The following ASTN2 variants were observed in gnomAD, a reference collection of about 807,000 sequenced individuals.
ASTN2 encodes the protein astrotactin-2.
A neutral mutation model predicts 139.8 loss-of-function variants in ASTN2; 54 were observed. The ratio of observed to expected loss-of-function variants is 0.39; its 90% CI spans 0.31 to 0.48. The LOEUF is 0.48. Ranked by LOEUF, ASTN2 falls within the 20% of genes least tolerant of loss-of-function variation. The pLI, the probability that ASTN2 is intolerant of heterozygous loss-of-function variation, is 0.95. For missense variants in ASTN2, 1,565 were observed against 1,725.1 expected, an observed-to-expected ratio of 0.91 and a Z score of 1.64; for synonymous variants, 756 against 719.5, an observed-to-expected ratio of 1.05 and a Z score of -0.81.
intron 15 of ASTN2, among the ~76,000 whole-genome samples, chr9:116,728,540 G>A (rs1052072440): frequency 2.6e-5 from 4 of 152,158 alleles, no homozygotes; most frequent in Non-Finnish European, 4.4e-5. Context: ...GGATGGGGGT[G>A]TGGGGGTTAT....
At chr9:116,815,816 A>ACAAAAAAAAC (rs1554750243) in intron 12 of ASTN2, among the ~76,000 whole-genome samples, 2 of 140,982 alleles carry the variant, frequency 1.4e-5, no homozygotes, top group African/African-American at 5.8e-5. Flanking sequence ...AAAAAAAAAA[A>ACAAAAAAAAC]AAAAAAAAAA....
intron 13 of ASTN2, among the ~76,000 whole-genome samples, chr9:116,802,083 CTTTTTTTTTTTT>C (rs796156202): frequency 8.2e-6 from 1 of 121,748 alleles, no homozygotes; most frequent in African/African-American, 3.2e-5. Flanking sequence ...TTCTTTCTTT[CTTTTTTTTTTTT>C]TTTTTTTTTT....
chr9:117,053,125 C>T (rs1838960891), intron 5 of ASTN2, among the ~76,000 whole-genome samples: 1 of 152,166 alleles, frequency 6.6e-6, no homozygotes, highest in African/African-American at 2.4e-5. Flanking sequence ...ACTTGATGTG[C>T]ACTGTTTCAC....
chr9:116,871,452 C>T (rs1833164653), intron 10 of ASTN2, among the ~76,000 whole-genome samples: 1 of 152,152 alleles, frequency 6.6e-6, no homozygotes, highest in African/African-American at 2.4e-5. Context: ...CTGCCTCTAT[C>T]ATAAGTCCCT....
chr9:117,386,363 T>G (rs992605697), intron 1 of ASTN2, among the ~76,000 whole-genome samples: 1 of 151,880 alleles, frequency 6.6e-6, no homozygotes, highest in Non-Finnish European at 1.5e-5. Flanking sequence ...TTAAATGGAG[T>G]GGAAGACATG....
intron 19 of ASTN2, chr9:116,547,784 T>C (rs926528791): frequency 2.6e-5 from 4 of 152,222 alleles, no homozygotes; most frequent in African/African-American, 4.8e-5. Flanking sequence ...GGAGCTCACA[T>C]ACACCTGAGA....
chr9:117,238,258 G>A (rs930087936), intron 2 of ASTN2, among the ~76,000 whole-genome samples: 1 of 152,252 alleles, frequency 6.6e-6, no homozygotes, highest in Middle Eastern at 3.4e-3. Context: ...TTAGCCATGG[G>A]TGTCTACAGC....
intron 10 of ASTN2, among the ~76,000 whole-genome samples, chr9:116,872,371 A>T (rs1833189725): frequency 6.6e-6 from 1 of 152,224 alleles, no homozygotes; most frequent in South Asian, 2.1e-4. Context: ...AATAAGTGGT[A>T]TCATCTGAAA....
intron 10 of ASTN2, among the ~76,000 whole-genome samples, chr9:116,927,913 C>T (rs1358022036): frequency 6.6e-6 from 1 of 152,192 alleles, no homozygotes; most frequent in Non-Finnish European, 1.5e-5. Flanking sequence ...TGTTTTTCTT[C>T]CCTTTGGGAA....
intron 5 of ASTN2, among the ~76,000 whole-genome samples, chr9:117,059,048 C>T (rs1443016239): frequency 2.0e-5 from 3 of 152,174 alleles, no homozygotes; most frequent in Middle Eastern, 3.4e-3. Flanking sequence ...TTATAATGCC[C>T]GGTCTATCTG....
At chr9:116,977,819 T>C (rs1468868604) in intron 7 of ASTN2, among the ~76,000 whole-genome samples, 1 of 148,928 alleles carries the variant, frequency 6.7e-6, no homozygotes, top group East Asian at 2.0e-4. Flanking sequence ...CAGCTTCAAG[T>C]GATTCTCCCG....
chr9:116,932,101 C>T (rs73529910), intron 10 of ASTN2, among the ~76,000 whole-genome samples: 1,805 of 152,180 alleles, frequency 0.012, 39 homozygotes, highest in African/African-American at 0.041. Flanking sequence ...GAATATGATG[C>T]CAAGGCCAAT....
intron 1 of ASTN2, among the ~76,000 whole-genome samples, chr9:117,391,724 C>G (rs1255427521): frequency 6.6e-6 from 1 of 152,164 alleles, no homozygotes; most frequent in Non-Finnish European, 1.5e-5. Flanking sequence ...CAACTCATTT[C>G]AGCATTAACT....
At chr9:117,255,439 A>C (rs1437288238) in intron 2 of ASTN2, among the ~76,000 whole-genome samples, 7 of 152,260 alleles carry the variant, frequency 4.6e-5, no homozygotes, top group Non-Finnish European at 1.0e-4. Context: ...CCCATTTTAC[A>C]GATAAAGAAA....
chr9:116,872,522 C>T (rs143761960), intron 10 of ASTN2, among the ~76,000 whole-genome samples: 37 of 152,174 alleles, frequency 2.4e-4, no homozygotes, highest in African/African-American at 8.7e-4. Context: ...TCTGGGTACT[C>T]GGCTGGGTTC....
At chr9:117,374,006 T>A (rs1235055671) in intron 1 of ASTN2, among the ~76,000 whole-genome samples, 1 of 152,136 alleles carries the variant, frequency 6.6e-6, no homozygotes, top group Non-Finnish European at 1.5e-5. Context: ...GTCATATTGA[T>A]CTTTTAGACA....
At chr9:116,589,594 G>A (rs1854297497) in intron 19 of ASTN2, among the ~76,000 whole-genome samples, 1 of 152,190 alleles carries the variant, frequency 6.6e-6, no homozygotes, top group Admixed American at 6.5e-5. Context: ...TCTGTGTCAA[G>A]TCATGGTGGA....
At chr9:116,718,975 C>CATATAT (rs145923400) in intron 16 of ASTN2, among the ~76,000 whole-genome samples, 13,143 of 116,592 alleles carry the variant, frequency 0.11, 1,686 homozygotes, top group South Asian at 0.44. Context: ...TGTATCTGTA[C>CATATAT]ATATATATAT....
At chr9:117,030,789 G>T (rs1431196973) in intron 6 of ASTN2, among the ~76,000 whole-genome samples, 1 of 151,876 alleles carries the variant, frequency 6.6e-6, no homozygotes, top group Non-Finnish European at 1.5e-5. Flanking sequence ...ACTCTAGGGG[G>T]TATCCACAGC....
Sources: allele counts gnomAD v4.1 joint callset (sites outside exome capture counted in the v4.1 genomes callset), GRCh38; gene constraint gnomAD v4.1.1; transcripts MANE v1.5; gene names NCBI Gene and HGNC (gene_info 2026-07-23, HGNC 2026-07-21).